MYO18B: variants seen among roughly 807,000 people sequenced by gnomAD.
MYO18B encodes unconventional myosin-XVIIIb.
MYO18B carries 204 observed loss-of-function variants against 273.0 expected under a neutral mutation model. The ratio of observed to expected loss-of-function variants is 0.75; its 90% CI spans 0.67 to 0.84. The LOEUF is 0.84. Ranked by LOEUF, MYO18B falls within the 40% of genes least tolerant of loss-of-function variation. The probability of loss-of-function intolerance (pLI) is 0.00; values close to 1 mark genes in which losing one functional copy is unlikely to be tolerated. For synonymous variants in MYO18B, 1,330 were observed against 1,305.7 expected (o/e 1.02, Z -0.40); for missense variants, 3,212 against 3,287.6 (o/e 0.98, Z 0.56).
At chr22:25,884,852 G>A (rs1443302041) in intron 25 of MYO18B, 1 of 152,140 alleles carries the variant, frequency 6.6e-6, no homozygotes, top group African/African-American at 2.4e-5. Context: ...CAGTAAAATG[G>A]CAATGGTAAT....
At chr22:25,773,546 C>T (rs1465482009) in intron 7 of MYO18B, among the ~76,000 whole-genome samples, 8 of 152,128 alleles carry the variant, frequency 5.3e-5, no homozygotes, top group Admixed American at 3.9e-4. Flanking sequence ...TCACTGCAAG[C>T]GCCGCCTCCC....
intron 1 of MYO18B, among the ~76,000 whole-genome samples, chr22:25,752,699 ACATGC>A (rs2085970329): frequency 6.6e-6 from 1 of 152,034 alleles, no homozygotes; most frequent in African/African-American, 2.4e-5. Flanking sequence ...AGAGGTGACA[ACATGC>A]TAGCAGCCCT....
chr22:25,783,503 C>CACACACATCACCCTTGTT (rs1263628183), intron 10 of MYO18B, among the ~76,000 whole-genome samples: 2 of 59,778 alleles, frequency 3.3e-5, no homozygotes, highest in African/African-American at 1.4e-4. Context: ...ATCTCTCAGA[C>CACACACATCACCCTTGTT]ACACACATCA....
intron 40 of MYO18B, among the ~76,000 whole-genome samples, chr22:26,000,938 G>A (rs1933894973): frequency 1.3e-5 from 2 of 151,984 alleles, no homozygotes; most frequent in South Asian, 2.1e-4. Context: ...TAAAAATGTA[G>A]GATTAATAAG....
At chr22:25,806,765 G>T (rs1412524219) in intron 12 of MYO18B, among the ~76,000 whole-genome samples, 1 of 152,214 alleles carries the variant, frequency 6.6e-6, no homozygotes, top group East Asian at 1.9e-4. Context: ...GCTCTCTGGA[G>T]CTAAACTTGG....
chr22:25,877,840 A>G, intron 24 of MYO18B, 119 bp from the exon 25 acceptor site: 2 of 696,410 alleles, frequency 2.9e-6, no homozygotes, highest in South Asian at 3.8e-5. Flanking sequence ...ATTCTGTGCA[A>G]TAGATTGCTA....
At chr22:26,039,070 A>T in the MYO18B span, among the ~76,000 whole-genome samples, 1 of 152,152 alleles carries the variant, frequency 6.6e-6, no homozygotes, top group Non-Finnish European at 1.5e-5. Flanking sequence ...AGGGAGAAAG[A>T]TGAAGCCTGG....
the MYO18B span, among the ~76,000 whole-genome samples, chr22:26,052,136 A>G: frequency 6.6e-6 from 1 of 152,336 alleles, no homozygotes; most frequent in East Asian, 1.9e-4. Context: ...TTGTTTTAGT[A>G]GACTTTGCTG....
chr22:25,846,072 CCT>C (rs1569102583), intron 18 of MYO18B, 26 bp from the exon 19 acceptor site: 4 of 1,488,992 alleles, frequency 2.7e-6, no homozygotes, highest in African/African-American at 1.4e-5. Context: ...TCCTAAAGCT[CCT>C]CTCTCTTTTC....
At chr22:25,863,609 C>T (rs868334295) in intron 21 of MYO18B, among the ~76,000 whole-genome samples, 7 of 152,204 alleles carry the variant, frequency 4.6e-5, no homozygotes, top group African/African-American at 1.7e-4. Context: ...CCTATGTCTG[C>T]ATAGCTTAGA....
chr22:25,865,529 C>T (rs918210361), intron 21 of MYO18B, among the ~76,000 whole-genome samples: 1 of 152,210 alleles, frequency 6.6e-6, no homozygotes, highest in Non-Finnish European at 1.5e-5. Flanking sequence ...TAACTCCTAA[C>T]ATTTATTGAG....
intron 31 of MYO18B, among the ~76,000 whole-genome samples, chr22:25,905,122 A>C (rs554817252): frequency 4.0e-4 from 60 of 150,378 alleles, no homozygotes; most frequent in African/African-American, 1.4e-3. Context: ...TGTAAAGCAG[A>C]TGAACTCTGA....
rs1027782257 is a variant in MYO18B at position 26,017,514 on chromosome 22, C to T, written c.6471-8931C>T. 1.3e-5 allele frequency among the ~76,000 whole-genome samples: 2 copies of T among 152,142 alleles called. 1 individual carries two copies. Among genetic ancestry groups the T allele is most frequent in the Non-Finnish European group, 2.9e-5 (2 of 68,034 alleles). On this transcript the variant is annotated intron_variant, in intron 42 of 43. Transcript: ENST00000335473. The stretch of plus-strand genomic sequence containing the variant: ...AGGACATTTTCTAACGTATCAGTAT[C>T]GCACTTAGGAAAATTAACAAATCCA...
downstream of MYO18B, among the ~76,000 whole-genome samples, chr22:26,033,528 G>T (rs1006325249): frequency 6.6e-6 from 1 of 152,134 alleles, no homozygotes; most frequent in Non-Finnish European, 1.5e-5. Flanking sequence ...CATCCAAAAA[G>T]GTTAATTTCA....
chr22:25,879,396 G>A (rs894490095), intron 25 of MYO18B, among the ~76,000 whole-genome samples: 4 of 152,190 alleles, frequency 2.6e-5, no homozygotes, highest in African/African-American at 7.2e-5. Context: ...ACTTGATTAG[G>A]GGTATATCCT....
intron 16 of MYO18B, among the ~76,000 whole-genome samples, chr22:25,833,958 A>G (rs2089805949): frequency 6.6e-6 from 1 of 152,100 alleles, no homozygotes. Context: ...GTGTAAGCCC[A>G]GCTGACTGTT....
intron 11 of MYO18B, among the ~76,000 whole-genome samples, chr22:25,788,381 C>T (rs781061299): frequency 3.3e-5 from 5 of 152,306 alleles, no homozygotes. Context: ...GCAAATCATA[C>T]AGGATGCCCA....
chr22:25,990,723 AAAAGAAAAAAAAAAAGAC>A (rs2093260294), intron 39 of MYO18B, among the ~76,000 whole-genome samples: 20 of 43,416 alleles, frequency 4.6e-4, no homozygotes, highest in South Asian at 1.2e-3. Flanking sequence ...AAAAAAAAGA[AAAAGAAAAAAAAAAAGAC>A]TCCAGGCTAA....
intron 11 of MYO18B, among the ~76,000 whole-genome samples, chr22:25,787,843 C>G (rs1199756751): frequency 6.6e-6 from 1 of 152,118 alleles, no homozygotes; most frequent in African/African-American, 2.4e-5. Context: ...ACCTTGAAGG[C>G]AAGAGATGAG....
Sources: gnomAD v4.1 joint callset for allele counts (sites outside exome capture counted in the v4.1 genomes callset) on GRCh38, gnomAD v4.1.1 for gene constraint, MANE v1.5 for transcripts, NCBI Gene and HGNC (gene_info 2026-07-23, HGNC 2026-07-21) for gene names.